The following PKN2 variants were observed in gnomAD, a reference collection of about 807,000 sequenced individuals.
PKN2 encodes the protein serine/threonine-protein kinase N2.
In PKN2, 38 loss-of-function variants were observed where a neutral mutation model predicts 119.1. The observed-to-expected ratio is 0.32, with a 90% CI of 0.25 to 0.42. The LOEUF is 0.42. PKN2 is among the 10% of genes least tolerant of loss of function. The pLI is 1.00. For missense variants in PKN2, 850 were observed against 1,165.1 expected (o/e 0.73, Z 3.94); for synonymous variants, 390 against 384.9 (o/e 1.01, Z -0.15).
At chr1:88,754,177 G>T (rs1669109712) in intron 2 of PKN2, among the ~76,000 whole-genome samples, 1 of 151,856 alleles carries the variant, frequency 6.6e-6, no homozygotes, top group South Asian at 2.1e-4. Context: ...TTTATGTATT[G>T]TCTTCAAATC....
chr1:88,780,701 A>G (rs1350626262), intron 6 of PKN2, among the ~76,000 whole-genome samples: 1 of 151,630 alleles, frequency 6.6e-6, no homozygotes, highest in Non-Finnish European at 1.5e-5. Context: ...TTAGGCAGGG[A>G]CTATACTGCA....
At chr1:88,718,926 A>AATGT (rs1667561926) in intron 1 of PKN2, among the ~76,000 whole-genome samples, 2 of 152,194 alleles carry the variant, frequency 1.3e-5, no homozygotes, top group African/African-American at 4.8e-5. Flanking sequence ...ATAAATAAAC[A>AATGT]TTACCAGTTT....
chr1:88,726,726 T>G (rs977592032), intron 1 of PKN2, among the ~76,000 whole-genome samples: 1 of 151,400 alleles, frequency 6.6e-6, no homozygotes, highest in African/African-American at 2.4e-5. Flanking sequence ...TATAGGACTG[T>G]GCAGATTATG....
At chr1:88,731,306 G>A (rs1668135435) in intron 1 of PKN2, among the ~76,000 whole-genome samples, 1 of 152,168 alleles carries the variant, frequency 6.6e-6, no homozygotes, top group Non-Finnish European at 1.5e-5. Context: ...TCCTTTTGAG[G>A]CACAGAATGT....
At chr1:88,767,445 T>G (rs926741564) in intron 3 of PKN2, among the ~76,000 whole-genome samples, 11 of 152,180 alleles carry the variant, frequency 7.2e-5, no homozygotes, top group Non-Finnish European at 1.0e-4. Context: ...GGATACATTC[T>G]GAAAAAATCA....
intron 15 of PKN2, among the ~76,000 whole-genome samples, chr1:88,809,696 A>G (rs962452958): frequency 1.3e-5 from 2 of 152,196 alleles, no homozygotes; most frequent in African/African-American, 2.4e-5. Flanking sequence ...ATCCTAGTTC[A>G]CTGCAGCCTT....
intron 15 of PKN2, among the ~76,000 whole-genome samples, chr1:88,808,804 G>A (rs894298018): frequency 1.3e-5 from 2 of 152,110 alleles, no homozygotes; most frequent in African/African-American, 4.8e-5. Context: ...TAATATTAAT[G>A]GTAGACAGCT....
At chr1:88,820,226 ATATAT>A (rs1672210073) in intron 16 of PKN2, among the ~76,000 whole-genome samples, 2 of 108,454 alleles carry the variant, frequency 1.8e-5, no homozygotes, top group African/African-American at 4.5e-5. Context: ...ATATATATAT[ATATAT>A]ATAAATAGAA....
At chr1:88,824,979 A>T (rs986240657) in intron 18 of PKN2, among the ~76,000 whole-genome samples, 5 of 152,192 alleles carry the variant, frequency 3.3e-5, no homozygotes, top group Admixed American at 3.3e-4. Flanking sequence ...CCCCAATTAT[A>T]AAAAAATGGA....
At chr1:88,768,012 C>A (rs1557597762) in intron 3 of PKN2, among the ~76,000 whole-genome samples, 23 of 133,820 alleles carry the variant, frequency 1.7e-4, no homozygotes, top group African/African-American at 8.1e-4. Context: ...TACTGATTGC[C>A]TTAGTGATTA....
rs570840512 is a variant in PKN2, at chr1:88,822,736, G to C, written c.2342+733G>C. 4.5e-4 allele frequency among the ~76,000 whole-genome samples: 68 copies of C among 151,846 alleles called. 1 individual carries two copies. The highest frequency in any genetic ancestry group is 7.6e-4 in the Non-Finnish European group (52 of 67,974). On this transcript the variant is annotated intron_variant, in intron 17 of 21. Coordinates refer to ENST00000370521, the MANE Select transcript of PKN2 (RefSeq NM_006256.4). ...TGGAATTACAGGTGCCCGCCACCAT[G>C]CCCAGCTAATTTTTGTATTTTTAGT...
At chr1:88,800,321 G>A (rs914392029) in intron 8 of PKN2, among the ~76,000 whole-genome samples, 9 of 152,212 alleles carry the variant, frequency 5.9e-5, no homozygotes, top group African/African-American at 1.4e-4. Flanking sequence ...GAGAGAAAAC[G>A]TAATATTTTT....
rs1670562968 is a variant in PKN2, at chr1:88,786,153, T to C, written c.1221T>C (p.Thr407=). The change falls in exon 8 of 22, where the codon ACT becomes ACC. Residue 407 remains threonine, a synonymous_variant. Coordinates refer to ENST00000370521, the MANE Select transcript of PKN2 (RefSeq NM_006256.4). ...TCGATAATACTGTGGTTGGCCAAAC[T>C]AGCTGGAAACCCATTTCCAATCAGT... ...LKLDNTVVGQ[T]SWKPISNQSW... The C allele has an allele frequency of 6.2e-7, 1 of 1,613,066 alleles. No homozygotes were observed. The highest frequency in any genetic ancestry group is 1.7e-5 in the Admixed American group (1 of 59,986).
chr1:88,796,819 T>C (rs1671086866), intron 8 of PKN2, among the ~76,000 whole-genome samples: 1 of 152,234 alleles, frequency 6.6e-6, no homozygotes, highest in Non-Finnish European at 1.5e-5. Flanking sequence ...GGACCATATG[T>C]TACTTATCTT....
chr1:88,784,607 T>A lies in PKN2; in HGVS notation c.986-32T>A, dbSNP rs371319191. 55 of 1,367,428 alleles carry A rather than the reference T, an allele frequency of 4.0e-5. 1 individual carries two copies. The East Asian group carries it at 6.6e-4, about 16-fold the overall frequency. 84.7% of individuals were successfully genotyped at this position (1,367,428 alleles called of 1,614,324 possible). A position where few individuals can be genotyped will look rare whatever the true frequency, so the allele number is the denominator to read the frequency against. ...AAGGATTCCATAGATTAAGGGTTGA[T>A]GTTCTTATCTGATATTTATGTTTGC... On this transcript the variant is annotated intron_variant, in intron 6 of 21. Coordinates refer to ENST00000370521, the MANE Select transcript of PKN2 (RefSeq NM_006256.4).
At chr1:88,832,095 T>G (rs1211390270) in intron 19 of PKN2, among the ~76,000 whole-genome samples, 1 of 152,014 alleles carries the variant, frequency 6.6e-6, no homozygotes, top group African/African-American at 2.4e-5. Flanking sequence ...TGGCAATGTG[T>G]GCTTTTTGGG....
chr1:88,745,328 T>C (rs550517879), intron 2 of PKN2, among the ~76,000 whole-genome samples: 1 of 152,330 alleles, frequency 6.6e-6, no homozygotes, highest in East Asian at 1.9e-4. Context: ...TGAAATTGTC[T>C]GTTTGTGAAC....
chr1:88,794,978 T>C (rs1309413207), intron 8 of PKN2, among the ~76,000 whole-genome samples: 1 of 152,246 alleles, frequency 6.6e-6, no homozygotes, highest in Non-Finnish European at 1.5e-5. Context: ...TCCTGAATGA[T>C]CACATTTACT....
At chr1:88,694,076 C>T (rs773778114) in intron 1 of PKN2, among the ~76,000 whole-genome samples, 1 of 152,156 alleles carries the variant, frequency 6.6e-6, no homozygotes, top group East Asian at 1.9e-4. Context: ...TATGCATTAT[C>T]GACATCCTCC....
Sources: allele counts gnomAD v4.1 joint callset (sites outside exome capture counted in the v4.1 genomes callset), GRCh38; gene constraint gnomAD v4.1.1; transcripts MANE v1.5; gene names NCBI Gene and HGNC (gene_info 2026-07-23, HGNC 2026-07-21).